Variants in OCA2 observed in about 807,000 individuals in gnomAD.
The protein encoded by OCA2 is OCA2 melanosomal transmembrane protein.
A neutral mutation model predicts 100.2 loss-of-function variants in OCA2; 77 were observed. The observed-to-expected ratio is 0.77, with a 90% confidence interval of 0.64 to 0.93. The LOEUF is 0.93. Among genes scored for constraint, OCA2 ranks in the 40% least tolerant of loss-of-function variants. The pLI, the probability that OCA2 is intolerant of heterozygous loss-of-function variation, is 0.00. For missense variants in OCA2, 1,062 were observed against 1,089.1 expected (o/e 0.98, Z 0.35); for synonymous variants, 432 against 439.2 (o/e 0.98, Z 0.21).
At chr15:28,031,985 G>T in intron 3 of OCA2, 80 bp downstream of exon 3, 1 of 1,015,886 alleles carries the variant, frequency 9.8e-7, no homozygotes, top group Non-Finnish European at 1.6e-6. Context: ...ATAAAAATTC[G>T]TGTCTCAAGT....
At chr15:28,049,218 T>A (rs1489589092) in intron 2 of OCA2, among the ~76,000 whole-genome samples, 1 of 152,066 alleles carries the variant, frequency 6.6e-6, no homozygotes, top group Non-Finnish European at 1.5e-5. Context: ...AATAAGCACA[T>A]AAAAAGATGC....
intron 23 of OCA2, among the ~76,000 whole-genome samples, chr15:27,769,184 T>G (rs541355131): frequency 1.2e-4 from 18 of 152,284 alleles, no homozygotes; most frequent in Admixed American, 7.2e-4. Flanking sequence ...TTCATCTCCC[T>G]CCGGGGTGAT....
intron 1 of OCA2, among the ~76,000 whole-genome samples, chr15:28,093,125 C>A (rs1280200502): frequency 6.6e-6 from 1 of 152,164 alleles, no homozygotes; most frequent in African/African-American, 2.4e-5. Flanking sequence ...GCTATCACTG[C>A]ACACCTATCA....
chr15:27,966,799 A>G lies in OCA2; in HGVS notation c.1527T>C (p.Thr509=), dbSNP rs145762147. Residue 509 remains threonine, a synonymous_variant, in exon 15 of 24, where the codon ACT becomes ACC. Transcript: ENST00000354638. The part of the protein sequence containing the change: ...RKMGLDFAGF[T]AHMFIGICLV... ...GGCAAATCCCAATGAACATGTGTGC[A>G]GTGAATCCGGCAAAGTCCAGGCCCT... is the stretch of plus-strand genomic sequence containing the variant. 4.5e-5 allele frequency: 73 copies of G among 1,612,636 alleles called. No individual in the cohort carries two copies. In the African/African-American group the frequency reaches 9.5e-4, roughly 21 times the overall value.
At chr15:27,767,615 C>A (rs1232654333) in intron 23 of OCA2, among the ~76,000 whole-genome samples, 1 of 151,620 alleles carries the variant, frequency 6.6e-6, no homozygotes, top group Non-Finnish European at 1.5e-5. Context: ...CCAATCAGCA[C>A]TCTGTAAAAA....
At chr15:27,724,524 G>C in the OCA2 span, among the ~76,000 whole-genome samples, 1 of 152,098 alleles carries the variant, frequency 6.6e-6, no homozygotes. Flanking sequence ...AGGTCCTGGG[G>C]GTTAGGACTT....
At chr15:27,981,826 G>A (rs1386761864) in intron 14 of OCA2, among the ~76,000 whole-genome samples, 1 of 152,076 alleles carries the variant, frequency 6.6e-6, no homozygotes, top group East Asian at 1.9e-4. Flanking sequence ...CTGGACTCTC[G>A]CTGCCCTGGT....
At chr15:27,988,797 T>A (rs1190921793) in intron 11 of OCA2, among the ~76,000 whole-genome samples, 1 of 152,142 alleles carries the variant, frequency 6.6e-6, no homozygotes, top group Non-Finnish European at 1.5e-5. Flanking sequence ...TATTAGTTAC[T>A]CTGTGAAGCC....
At chr15:28,072,589 C>CA (rs760224063) in intron 2 of OCA2, among the ~76,000 whole-genome samples, 10,747 of 59,532 alleles carry the variant, frequency 0.18, 1,234 homozygotes, top group East Asian at 0.68. Flanking sequence ...GATTCCGTCT[C>CA]AAAAAAAAAA....
At chr15:28,029,548 A>G (rs901923363) in intron 3 of OCA2, among the ~76,000 whole-genome samples, 1 of 152,198 alleles carries the variant, frequency 6.6e-6, no homozygotes, top group African/African-American at 2.4e-5. Flanking sequence ...CACATGTGCT[A>G]TTTGTCACTT....
intron 14 of OCA2, among the ~76,000 whole-genome samples, chr15:27,967,679 C>T (rs1157831662): frequency 1.3e-5 from 2 of 152,236 alleles, no homozygotes; most frequent in Admixed American, 6.5e-5. Flanking sequence ...GGGGACCAGC[C>T]GCAGGGACTC....
chr15:27,851,812 G>A (rs1418126017), intron 21 of OCA2, among the ~76,000 whole-genome samples: 1 of 152,162 alleles, frequency 6.6e-6, no homozygotes, highest in African/African-American at 2.4e-5. Context: ...GGAGTGCTGT[G>A]CTAACTATGC....
chr15:27,938,430 A>G (rs1312860567), intron 18 of OCA2, among the ~76,000 whole-genome samples: 3 of 152,222 alleles, frequency 2.0e-5, no homozygotes, highest in Non-Finnish European at 2.9e-5. Flanking sequence ...AAGTGGGCTG[A>G]TTCCAGCTTT....
At chr15:27,970,783 ATGG>A (rs2040754932) in intron 14 of OCA2, among the ~76,000 whole-genome samples, 1 of 152,166 alleles carries the variant, frequency 6.6e-6, no homozygotes, top group Admixed American at 6.5e-5. Context: ...CATGCACAGT[ATGG>A]CAGGGAAAGC....
intron 2 of OCA2, among the ~76,000 whole-genome samples, chr15:28,077,766 C>T (rs1289781795): frequency 6.6e-6 from 1 of 152,136 alleles, no homozygotes; most frequent in African/African-American, 2.4e-5. Flanking sequence ...CGCAAAAAAC[C>T]ACACAAACAT....
intron 23 of OCA2, among the ~76,000 whole-genome samples, chr15:27,791,467 A>G (rs2033076607): frequency 6.6e-6 from 1 of 152,290 alleles, no homozygotes; most frequent in Non-Finnish European, 1.5e-5. Flanking sequence ...GTAGTGGGAG[A>G]ACAGCTCAGT....
intron 2 of OCA2, among the ~76,000 whole-genome samples, chr15:28,068,463 C>CA (rs1488562229): frequency 6.6e-6 from 1 of 151,942 alleles, no homozygotes; most frequent in Non-Finnish European, 1.5e-5. Context: ...ACCTATCAAC[C>CA]AAAAAAAGCC....
At chr15:27,853,918 C>T (rs1202817757) in intron 21 of OCA2, among the ~76,000 whole-genome samples, 1 of 152,186 alleles carries the variant, frequency 6.6e-6, no homozygotes, top group Non-Finnish European at 1.5e-5. Flanking sequence ...ATATTCGATG[C>T]CGAGAATTAA....
At chr15:28,045,135 A>G (rs1459870221) in intron 2 of OCA2, among the ~76,000 whole-genome samples, 1 of 151,928 alleles carries the variant, frequency 6.6e-6, no homozygotes, top group Non-Finnish European at 1.5e-5. Context: ...CTTATTTTGC[A>G]TTAATTATTT....
Sources: allele counts gnomAD v4.1 joint callset (sites outside exome capture counted in the v4.1 genomes callset), GRCh38; gene constraint gnomAD v4.1.1; transcripts MANE v1.5; gene names NCBI Gene and HGNC (gene_info 2026-07-23, HGNC 2026-07-21).